The following IL1RAPL1 variants were observed in gnomAD, a reference collection of about 807,000 sequenced individuals.
IL1RAPL1 encodes interleukin 1 receptor accessory protein like 1.
A neutral mutation model predicts 48.4 loss-of-function variants in IL1RAPL1; 3 were observed. That is an observed-to-expected ratio of 0.06 (90% CI 0.03 to 0.16). IL1RAPL1 has a LOEUF of 0.16. IL1RAPL1 is among the 10% of genes least tolerant of loss of function. The pLI, the probability that IL1RAPL1 is intolerant of heterozygous loss-of-function variation, is 1.00. For synonymous variants in IL1RAPL1, 185 were observed against 187.7 expected (o/e 0.99, Z 0.12); for missense variants, 349 against 530.6 (o/e 0.66, Z 3.36).
chrX:29,719,743 C>CAAAAA (rs372308075), intron 6 of IL1RAPL1, among the ~76,000 whole-genome samples: 1 of 21,871 alleles, frequency 4.6e-5, no homozygotes, highest in African/African-American at 1.3e-4. Context: ...GAAAGATGAG[C>CAAAAA]AAAAAAAAAA....
intron 2 of IL1RAPL1, among the ~76,000 whole-genome samples, chrX:29,026,873 T>C (rs1926497812): frequency 8.9e-6 from 1 of 111,737 alleles, no homozygotes; most frequent in African/African-American, 3.3e-5. Flanking sequence ...GTTTTTGTAA[T>C]AGACTTTATC....
chrX:29,262,975 A>G (rs1012046035), intron 2 of IL1RAPL1, among the ~76,000 whole-genome samples: 2 of 111,621 alleles, frequency 1.8e-5, no homozygotes, highest in Non-Finnish European at 3.8e-5. Flanking sequence ...TTGGATGGCT[A>G]TGTATATAAT....
chrX:29,607,616 A>T (rs1429207803), intron 5 of IL1RAPL1, among the ~76,000 whole-genome samples: 1 of 111,861 alleles, frequency 8.9e-6, no homozygotes, highest in Non-Finnish European at 1.9e-5. Context: ...ACAGGAATGC[A>T]TGTTTCTCTT....
At chrX:29,454,107 T>C in intron 5 of IL1RAPL1, among the ~76,000 whole-genome samples, 1 of 112,347 alleles carries the variant, frequency 8.9e-6, no homozygotes, top group Middle Eastern at 4.6e-3. Flanking sequence ...GTCCTTTTGT[T>C]TGATGCCCTG....
intron 2 of IL1RAPL1, among the ~76,000 whole-genome samples, chrX:29,040,902 G>A (rs1394240978): frequency 8.9e-6 from 1 of 112,113 alleles, no homozygotes; most frequent in African/African-American, 3.2e-5. Context: ...TGATTGGTTA[G>A]TGTGAAAGCA....
chrX:29,057,723 G>A (rs982956631), intron 2 of IL1RAPL1, among the ~76,000 whole-genome samples: 6 of 111,594 alleles, frequency 5.4e-5, no homozygotes, highest in Non-Finnish European at 1.1e-4. Flanking sequence ...GCCACCGTGC[G>A]CGGCCTGTTT....
chrX:29,131,107 A>G (rs1182365793), intron 2 of IL1RAPL1, among the ~76,000 whole-genome samples: 3 of 110,440 alleles, frequency 2.7e-5, no homozygotes, highest in East Asian at 2.8e-4. Context: ...CACATTACAT[A>G]TAGTAGCCCA....
intron 1 of IL1RAPL1, among the ~76,000 whole-genome samples, chrX:28,615,406 G>A (rs1428286710): frequency 1.8e-5 from 2 of 109,313 alleles, no homozygotes; most frequent in Non-Finnish European, 3.8e-5. Flanking sequence ...GCCAAAGGAT[G>A]TATTCCTTTA....
intron 5 of IL1RAPL1, among the ~76,000 whole-genome samples, chrX:29,592,395 TATC>T (rs1231529796): frequency 9.0e-6 from 1 of 111,243 alleles, no homozygotes; most frequent in Non-Finnish European, 1.9e-5. Flanking sequence ...TATGTAATAT[TATC>T]ATTTAATTCA....
At chrX:29,428,946 T>G (rs1434981311) in intron 5 of IL1RAPL1, among the ~76,000 whole-genome samples, 2 of 111,956 alleles carry the variant, frequency 1.8e-5, no homozygotes, top group African/African-American at 3.3e-5. Context: ...TTGAGGAATA[T>G]TCTCTCTGCC....
intron 6 of IL1RAPL1, among the ~76,000 whole-genome samples, chrX:29,758,909 T>C (rs1928687189): frequency 9.0e-6 from 1 of 111,614 alleles, no homozygotes. Flanking sequence ...CTTGGGCTAA[T>C]GCAGAGGTTA....
intron 5 of IL1RAPL1, among the ~76,000 whole-genome samples, chrX:29,644,898 C>A (rs937610726): frequency 8.9e-6 from 1 of 112,746 alleles, no homozygotes; most frequent in Admixed American, 9.4e-5. Context: ...CTTGGTCATG[C>A]CTATTCAATC....
At chrX:28,837,682 C>CTTTTTT (rs58666924) in intron 2 of IL1RAPL1, among the ~76,000 whole-genome samples, 1 of 37,218 alleles carries the variant, frequency 2.7e-5, no homozygotes, top group Non-Finnish European at 4.5e-5. Context: ...CATTCCACTT[C>CTTTTTT]TTTTTTTTTT....
rs187819626 is a variant in IL1RAPL1 at position 29,874,961 on chromosome X, A to C, written c.779-42503A>C. 3.6e-3 allele frequency among the ~76,000 whole-genome samples: 406 copies of C among 112,189 alleles called. 2 individuals carry two copies. Among genetic ancestry groups the C allele is most frequent in the African/African-American group, 0.012 (371 of 30,930 alleles). On this transcript the variant is annotated intron_variant, in intron 6 of 10. Transcript: ENST00000378993. ...CATTCCTTTCCATTGTTTCTGTTAC[A>C]AAGAATGCAATTTTAAGGTTTTCTG...
At chrX:28,918,347 C>T (rs1430838778) in intron 2 of IL1RAPL1, among the ~76,000 whole-genome samples, 1 of 112,144 alleles carries the variant, frequency 8.9e-6, no homozygotes, top group Non-Finnish European at 1.9e-5. Context: ...TTAGTAATGA[C>T]AGTGACCCAA....
chrX:29,320,634 G>A (rs962237336), intron 3 of IL1RAPL1, among the ~76,000 whole-genome samples: 1 of 109,686 alleles, frequency 9.1e-6, no homozygotes, highest in Admixed American at 9.8e-5. Context: ...AAAATTACCC[G>A]GGCGTGGTGG....
intron 2 of IL1RAPL1, among the ~76,000 whole-genome samples, chrX:29,206,315 G>T (rs1262033689): frequency 9.1e-6 from 1 of 109,652 alleles, no homozygotes; most frequent in Non-Finnish European, 1.9e-5. Flanking sequence ...TGTTAATTCT[G>T]TTTTTTTTCA....
At chrX:28,689,495 TA>T (rs1935152445) in intron 1 of IL1RAPL1, among the ~76,000 whole-genome samples, 1 of 111,573 alleles carries the variant, frequency 9.0e-6, no homozygotes, top group African/African-American at 3.3e-5. Flanking sequence ...CTTTATAAAT[TA>T]CCCAGTCTCA....
At chrX:29,531,497 C>G (rs1445151795) in intron 5 of IL1RAPL1, among the ~76,000 whole-genome samples, 1 of 111,931 alleles carries the variant, frequency 8.9e-6, no homozygotes, top group Non-Finnish European at 1.9e-5. Context: ...CCTATTCTTT[C>G]TCACTTCCTC....
Sources: gnomAD v4.1 joint callset for allele counts (sites outside exome capture counted in the v4.1 genomes callset) on GRCh38, gnomAD v4.1.1 for gene constraint, MANE v1.5 for transcripts, NCBI Gene and HGNC (gene_info 2026-07-23, HGNC 2026-07-21) for gene names.